WWOX: variants seen among roughly 807,000 people sequenced by gnomAD.
The protein encoded by WWOX is WW domain-containing oxidoreductase.
A neutral mutation model predicts 46.2 loss-of-function variants in WWOX; 69 were observed. The observed-to-expected ratio is 1.49, with a 90% CI of 1.23 to 1.82. The LOEUF is 1.82. Among genes scored for constraint, WWOX ranks in the 40% most tolerant of loss-of-function variants. WWOX has a pLI of 0.00. For synonymous variants in WWOX, 359 were observed against 202.6 expected, an observed-to-expected ratio of 1.77 and a Z score of -6.56; for missense variants, 919 against 542.6, an observed-to-expected ratio of 1.69 and a Z score of -6.89.
At chr16:78,548,848 G>T (rs2044110451) in intron 8 of WWOX, among the ~76,000 whole-genome samples, 1 of 152,112 alleles carries the variant, frequency 6.6e-6, no homozygotes, top group Non-Finnish European at 1.5e-5. Context: ...CTGGTCACAT[G>T]CTGTAACCTC....
chr16:78,622,955 T>C (rs529846799), intron 8 of WWOX, among the ~76,000 whole-genome samples: 1 of 152,186 alleles, frequency 6.6e-6, no homozygotes, highest in South Asian at 2.1e-4. Flanking sequence ...AGGAACTGCA[T>C]TTGGCTTCTA....
intron 8 of WWOX, among the ~76,000 whole-genome samples, chr16:78,511,713 A>G (rs2085365659): frequency 1.3e-5 from 2 of 152,180 alleles, no homozygotes; most frequent in South Asian, 2.1e-4. Flanking sequence ...AATGCCACAG[A>G]TAGTCTGGGA....
intron 5 of WWOX, among the ~76,000 whole-genome samples, chr16:78,192,486 C>T (rs1337123550): frequency 1.7e-4 from 18 of 105,634 alleles, no homozygotes; most frequent in Admixed American, 5.6e-4. Flanking sequence ...AGTGAGACTC[C>T]GTCTCAAAAA....
intron 3 of WWOX, among the ~76,000 whole-genome samples, chr16:78,114,423 C>G (rs561247501): frequency 6.6e-6 from 1 of 152,144 alleles, no homozygotes. Context: ...AATACCATTT[C>G]TACAAGATTT....
chr16:78,468,941 C>T (rs142898198), intron 8 of WWOX, among the ~76,000 whole-genome samples: 6 of 152,208 alleles, frequency 3.9e-5, no homozygotes, highest in East Asian at 1.9e-4. Context: ...TATTCAAGAG[C>T]GAAACTTTTG....
chr16:78,453,791 A>G (rs184743824), intron 8 of WWOX, among the ~76,000 whole-genome samples: 21 of 152,192 alleles, frequency 1.4e-4, no homozygotes, highest in Admixed American at 1.3e-3. Flanking sequence ...GTGCGAAGAT[A>G]GTTAAGCTCT....
intron 1 of WWOX, among the ~76,000 whole-genome samples, chr16:78,107,907 G>A (rs980826479): frequency 1.3e-5 from 2 of 152,014 alleles, no homozygotes; most frequent in African/African-American, 4.8e-5. Flanking sequence ...CAAATACACA[G>A]CAAAATGCCT....
intron 8 of WWOX, among the ~76,000 whole-genome samples, chr16:79,055,231 T>C (rs1458676432): frequency 1.3e-5 from 2 of 152,178 alleles, no homozygotes; most frequent in African/African-American, 4.8e-5. Context: ...TATTTTGGTT[T>C]ATATTGCTTA....
chr16:78,225,103 A>G (rs1235866207), intron 5 of WWOX, among the ~76,000 whole-genome samples: 1 of 152,202 alleles, frequency 6.6e-6, no homozygotes, highest in Non-Finnish European at 1.5e-5. Context: ...CATTGCATGA[A>G]GATCATAGAG....
At chr16:79,148,520 T>G (rs557275208) in intron 8 of WWOX, among the ~76,000 whole-genome samples, 48 of 152,282 alleles carry the variant, frequency 3.2e-4, no homozygotes, top group African/African-American at 1.1e-3. Context: ...GTATTCTTTT[T>G]TATTAAGATT....
At chr16:78,888,449 C>T (rs1193415405) in intron 8 of WWOX, among the ~76,000 whole-genome samples, 1 of 152,184 alleles carries the variant, frequency 6.6e-6, no homozygotes, top group Admixed American at 6.5e-5. Context: ...TTTAGTTTCT[C>T]ACATCCTGAG....
At chr16:78,779,629 G>A (rs1183986510) in intron 8 of WWOX, among the ~76,000 whole-genome samples, 1 of 152,206 alleles carries the variant, frequency 6.6e-6, no homozygotes, top group Non-Finnish European at 1.5e-5. Context: ...GGAAATTGAA[G>A]CTCAGGGAAT....
chr16:79,033,736 C>T (rs1446658650), intron 8 of WWOX, among the ~76,000 whole-genome samples: 3 of 152,222 alleles, frequency 2.0e-5, no homozygotes, highest in African/African-American at 7.2e-5. Context: ...AAGCCCAGCC[C>T]CTGGCAACCA....
chr16:78,386,798 C>T lies in WWOX; in HGVS notation c.517-62C>T, dbSNP rs936478056. ...ATGTTCCATAACACATTTACTGTAA[C>T]TTGATACCATGAACTACACTTGCTG... On this transcript the variant is annotated intron_variant, in intron 5 of 8. Coordinates refer to ENST00000566780, the MANE Select transcript of WWOX (RefSeq NM_016373.4). 1.8e-5 allele frequency: 26 copies of T among 1,438,938 alleles called. No individual in the cohort carries two copies. In the South Asian group the frequency reaches 3.0e-4, roughly 16 times the overall value. 89.1% of individuals were successfully genotyped at this position (1,438,938 alleles called of 1,614,324 possible).
intron 8 of WWOX, among the ~76,000 whole-genome samples, chr16:79,191,074 C>G (rs1031358135): frequency 1.3e-5 from 2 of 152,098 alleles, no homozygotes; most frequent in Non-Finnish European, 2.9e-5. Flanking sequence ...GAGACGGGGT[C>G]TCGCTCTGTT....
rs141204120 is a variant in WWOX at position 78,461,933 on chromosome 16, A to G, written c.1056+29181A>G. The stretch of plus-strand genomic sequence containing the variant: ...TAAGACTTTTATGTTCTGTACTTCA[A>G]TCAGCTAGAGCCAGCAGTATCCCAA... On this transcript the variant is annotated intron_variant, in intron 8 of 8. Coordinates refer to ENST00000566780, the MANE Select transcript of WWOX (RefSeq NM_016373.4). Among the ~76,000 whole-genome samples the G allele has an allele frequency of 6.0e-3, 920 of 152,348 alleles. 8 individuals are homozygous for G. Among genetic ancestry groups the G allele is most frequent in the South Asian group, 0.025 (119 of 4,832 alleles).
At chr16:78,838,435 A>G (rs2052049846) in intron 8 of WWOX, among the ~76,000 whole-genome samples, 1 of 152,228 alleles carries the variant, frequency 6.6e-6, no homozygotes, top group Non-Finnish European at 1.5e-5. Context: ...CACAATAAGA[A>G]TATTTTCTTT....
intron 8 of WWOX, among the ~76,000 whole-genome samples, chr16:78,685,299 C>G (rs986545268): frequency 6.6e-6 from 1 of 152,048 alleles, no homozygotes; most frequent in African/African-American, 2.4e-5. Flanking sequence ...CTGGGGACGT[C>G]CCTTGGGAAG....
intron 8 of WWOX, among the ~76,000 whole-genome samples, chr16:78,866,414 A>C (rs932823998): frequency 3.3e-5 from 5 of 150,076 alleles, no homozygotes; most frequent in Non-Finnish European, 7.4e-5. Flanking sequence ...GAAATCATTG[A>C]GACTGATCAA....
Sources: allele counts gnomAD v4.1 joint callset (sites outside exome capture counted in the v4.1 genomes callset), GRCh38; gene constraint gnomAD v4.1.1; transcripts MANE v1.5; gene names NCBI Gene and HGNC (gene_info 2026-07-23, HGNC 2026-07-21).